MATN4: variants seen among roughly 807,000 people sequenced by gnomAD.
MATN4 encodes matrilin 4, also known as matrilin-4.
MATN4 carries 40 observed loss-of-function variants against 54.6 expected under a neutral mutation model. That is an observed-to-expected ratio of 0.73 (90% CI 0.57 to 0.95). MATN4 has a LOEUF of 0.95. Ranked by LOEUF, MATN4 falls within the 40% of genes least tolerant of loss-of-function variation. The pLI is 0.00. For missense variants in MATN4, 810 were observed against 819.1 expected, an observed-to-expected ratio of 0.99 and a Z score of 0.13; for synonymous variants, 351 against 345.3, an observed-to-expected ratio of 1.02 and a Z score of -0.18.
chr20:45,300,721 G>A (rs924214777), intron 6 of MATN4, among the ~76,000 whole-genome samples, 166 bp downstream of exon 6: 2 of 152,096 alleles, frequency 1.3e-5, no homozygotes, highest in Non-Finnish European at 2.9e-5. Flanking sequence ...AGGATTGTAG[G>A]AAAGAGATGG....
In MATN4 at chr20:45,298,235, A is replaced by G; in HGVS notation, c.1361T>C (p.Leu454Pro). 1.2e-6 allele frequency: 2 copies of G among 1,609,880 alleles called. No individual in the cohort carries two copies. The highest frequency in any genetic ancestry group is 1.7e-6 in the Non-Finnish European group (2 of 1,177,314). ...CTGGGAGCGGCCATCCGTGAAGACC[A>G]GGCCAACACGAGGCACGTTAAGGGC... Reference protein sequence around the residue: ...PRALNVPRVGLVFTDGRSQDD... With the variant: ...PRALNVPRVGPVFTDGRSQDD... The change falls in exon 7 of 10, where the codon CTG becomes CCG. Residue 454 changes from leucine (L) to proline (P), a missense_variant. Physicochemically the swap from Leu to Pro is moderately conservative, Grantham distance 98 (BLOSUM62 -3). Transcript: ENST00000372756. This position sits in a 1 kb window ranked among gnomAD's most constrained non-coding sequence, Gnocchi z 4.6.
chr20:45,295,578 G>C (rs565723369), intron 8 of MATN4, among the ~76,000 whole-genome samples: 4 of 152,028 alleles, frequency 2.6e-5, no homozygotes, highest in Non-Finnish European at 5.9e-5. Context: ...TAGTAGAGAC[G>C]GGGTTTCACT....
In MATN4 at chr20:45,300,149, T is replaced by C. The variant is rs75761155; in HGVS notation, c.1012+738A>G. On this transcript the variant is annotated intron_variant, in intron 6 of 9. Transcript: ENST00000372756. Reference sequence around the variant, plus strand: ...ATGTCTAGTCTACAGTACTTTGATATAGCAGCCTGAATGATCTAAGACAGT... The same window carrying C: ...ATGTCTAGTCTACAGTACTTTGATACAGCAGCCTGAATGATCTAAGACAGT... Among the ~76,000 whole-genome samples, 455 of 152,282 alleles carry C rather than the reference T, an allele frequency of 3.0e-3. 1 individual carries two copies. The highest frequency in any genetic ancestry group is 7.9e-3 in the South Asian group (38 of 4,826).
chr20:45,308,031 A>G (rs2071031725), intron 1 of MATN4, 144 bp downstream of exon 1: 2 of 691,228 alleles, frequency 2.9e-6, no homozygotes, highest in Non-Finnish European at 5.1e-6. Flanking sequence ...CTCGATTTGG[A>G]AAGGACCCTG....
intron 2 of MATN4, 102 bp from the exon 3 acceptor site, chr20:45,304,899 G>T: frequency 1.4e-6 from 1 of 701,054 alleles, no homozygotes. Flanking sequence ...CGACATAACA[G>T]CGCCCAGCAC....
intron 3 of MATN4, among the ~76,000 whole-genome samples, chr20:45,301,658 G>T (rs1466758947): frequency 6.6e-6 from 1 of 152,116 alleles, no homozygotes. Context: ...TTTTCTATTT[G>T]CAAAATGGGA....
rs757972439 is a variant in MATN4 at position 45,305,590 on chromosome 20, G to A, written c.-8C>T. The A allele has an allele frequency of 6.4e-7, 1 of 1,555,572 alleles. No individual in the cohort carries two copies. Among genetic ancestry groups the A allele is most frequent in the South Asian group, 1.2e-5 (1 of 84,272 alleles). ...GCAAAGAAGGCCTCTCATGGCGCTTGGGGACAGAGAATGGAGGTGTCAGAG... is the reference window on the plus strand; with the variant it reads ...GCAAAGAAGGCCTCTCATGGCGCTTAGGGACAGAGAATGGAGGTGTCAGAG... On this transcript the variant is annotated 5_prime_UTR_variant, in exon 2 of 10. Coordinates refer to ENST00000372756, the MANE Select transcript of MATN4 (RefSeq NM_001393530.1).
At chr20:45,294,773 G>A (rs1985704818) in intron 8 of MATN4, among the ~76,000 whole-genome samples, 1 of 152,136 alleles carries the variant, frequency 6.6e-6, no homozygotes, top group South Asian at 2.1e-4. Flanking sequence ...GTTAGGAACT[G>A]GGCCACACAG....
intron 1 of MATN4, among the ~76,000 whole-genome samples, chr20:45,306,319 C>T (rs1022817054): frequency 6.6e-6 from 1 of 152,148 alleles, no homozygotes; most frequent in Non-Finnish European, 1.5e-5. Context: ...AGCGCTGGTA[C>T]CCAAAGTCAT....
chr20:45,301,152 C>T lies in MATN4; in HGVS notation c.839G>A (p.Cys280Tyr). 6.2e-7 allele frequency: 1 copy of T among 1,614,230 alleles called. No individual in the cohort carries two copies. Among genetic ancestry groups the T allele is most frequent in the Non-Finnish European group, 8.5e-7 (1 of 1,180,030 alleles). ...CAAGTCATGGCCCTCTCTGCAGTGG[C>T]ACCGTGGCCCACCAGGGGTGCTAAC... Reference protein sequence around the residue: ...ECVSTPGGPRCHCREGHDLQP... With the variant: ...ECVSTPGGPRYHCREGHDLQP... The change falls in exon 5 of 10, where the codon TGC (cysteine) becomes TAC (tyrosine). Residue 280 changes from cysteine to tyrosine, a missense_variant. By Grantham distance (194) the Cys-to-Tyr change is radical. Coordinates refer to ENST00000372756, the MANE Select transcript of MATN4 (RefSeq NM_001393530.1).
intron 8 of MATN4, among the ~76,000 whole-genome samples, chr20:45,295,900 C>G (rs1985786072): frequency 2.6e-5 from 4 of 152,028 alleles, no homozygotes; most frequent in Admixed American, 2.6e-4. Context: ...CACTGAAATT[C>G]TATAAGCATG....
chr20:45,308,341 C>G, upstream of MATN4: 1 of 866,792 alleles, frequency 1.2e-6, no homozygotes, highest in Non-Finnish European at 1.9e-6. Flanking sequence ...CCAGGGCTGG[C>G]GGGTGGGGAG....
At chr20:45,307,906 G>A (rs1600708700) in intron 1 of MATN4, among the ~76,000 whole-genome samples, 3 of 152,154 alleles carry the variant, frequency 2.0e-5, no homozygotes, top group Non-Finnish European at 4.4e-5. Flanking sequence ...AGCAGCAAGG[G>A]AGGAGAGGCC....
chr20:45,302,970 C>G (rs1471823463), intron 3 of MATN4, among the ~76,000 whole-genome samples: 1 of 151,390 alleles, frequency 6.6e-6, no homozygotes, highest in Non-Finnish European at 1.5e-5. Flanking sequence ...GTAATCCCAG[C>G]TACTTGGGAG....
At chr20:45,307,007 C>G in intron 1 of MATN4, 7 of 1,005,224 alleles carry the variant, frequency 7.0e-6, no homozygotes, top group Non-Finnish European at 9.1e-6. Context: ...GACCACCCCC[C>G]CACCCCCTCC....
At chr20:45,308,300 G>A, upstream of MATN4, 1 of 1,281,838 alleles carries the variant, frequency 7.8e-7, no homozygotes, top group Non-Finnish European at 1.1e-6. Flanking sequence ...CCAGGCAGCT[G>A]GAGCACACAG....
chr20:45,297,806 TG>T, intron 8 of MATN4, 111 bp downstream of exon 8: 1 of 1,375,940 alleles, frequency 7.3e-7, no homozygotes, highest in Non-Finnish European at 1.0e-6. Flanking sequence ...CTCTGTCTAG[TG>T]AGCCCAACCT....
rs563516267 is a variant in MATN4 at position 45,298,773 on chromosome 20, C to T, written c.1013-190G>A. Reference sequence around the variant, plus strand: ...ATCATCACCATCACCATCATCATCACCCTCATCATCGCCCTTGACATTTAT... The same window carrying T: ...ATCATCACCATCACCATCATCATCATCCTCATCATCGCCCTTGACATTTAT... On this transcript the variant is annotated intron_variant, in intron 6 of 9. Coordinates refer to ENST00000372756, the MANE Select transcript of MATN4 (RefSeq NM_001393530.1). This position sits in a 1 kb window ranked among gnomAD's most constrained non-coding sequence, Gnocchi z 4.6. 5.9e-5 allele frequency among the ~76,000 whole-genome samples: 9 copies of T among 152,246 alleles called. No homozygotes were observed. Among genetic ancestry groups the T allele is most frequent in the Admixed American group, 5.2e-4 (8 of 15,288 alleles).
intron 3 of MATN4, chr20:45,303,486 T>G (rs748994742): frequency 1.4e-6 from 1 of 715,812 alleles, no homozygotes; most frequent in Non-Finnish European, 2.6e-6. Flanking sequence ...GGCAACCATG[T>G]CCCCCCTCAG....
Sources: gnomAD v4.1 joint callset for allele counts (sites outside exome capture counted in the v4.1 genomes callset) on GRCh38, gnomAD v4.1.1 for gene constraint, Gnocchi (gnomAD v3.1) non-coding constraint, MANE v1.5 for transcripts, NCBI Gene and HGNC (gene_info 2026-07-23, HGNC 2026-07-21) for gene names.